The following SPEN variants were observed in gnomAD, a reference collection of about 807,000 sequenced individuals.
SPEN encodes spen family transcriptional repressor.
Under a neutral mutation model 269.9 loss-of-function variants are expected in SPEN, and 18 were observed. That is an observed-to-expected ratio of 0.07 (90% CI 0.05 to 0.10). The LOEUF is 0.10. Ranked by LOEUF, SPEN falls within the 10% of genes least tolerant of loss-of-function variation. SPEN has a pLI of 1.00. For missense variants in SPEN, 3,822 were observed against 4,631.2 expected (o/e 0.83, Z 5.07); for synonymous variants, 1,726 against 1,765.7 (o/e 0.98, Z 0.56).
intron 1 of SPEN, among the ~76,000 whole-genome samples, chr1:15,860,887 A>T (rs2070441790): frequency 6.6e-6 from 1 of 151,588 alleles, no homozygotes; most frequent in African/African-American, 2.4e-5. Context: ...GGAGTGAGCC[A>T]CTGTGCCCGG....
At chr1:15,922,493 A>G in intron 10 of SPEN, 144 bp downstream of exon 10, 1 of 591,320 alleles carries the variant, frequency 1.7e-6, no homozygotes, top group Non-Finnish European at 2.8e-6. Context: ...ATCACTTCAT[A>G]TGGAAACACA....
chr1:15,920,842 A>T lies in SPEN; in HGVS notation c.1636-28A>T, dbSNP rs751175639. 6.4e-6 allele frequency: 9 copies of T among 1,416,506 alleles called. No individual in the cohort carries two copies. The South Asian group carries it at 1.1e-4, about 17-fold the overall frequency. 87.7% of individuals were successfully genotyped at this position (1,416,506 alleles called of 1,614,324 possible). On this transcript the variant is annotated intron_variant, in intron 8 of 14. Coordinates refer to ENST00000375759, the MANE Select transcript of SPEN (RefSeq NM_015001.3). ...ACTAAGTCCAGTGGATGAGGCTCTT[A>T]CTTGTTTTTTGTTTGTTTGTTTTAC...
chr1:15,849,173 G>T (rs972934266), intron 1 of SPEN, among the ~76,000 whole-genome samples: 2 of 152,184 alleles, frequency 1.3e-5, no homozygotes, highest in African/African-American at 4.8e-5. Flanking sequence ...GATTCAGAGG[G>T]ACCATAGCAA....
At chr1:15,912,181 T>C (rs999292565) in intron 5 of SPEN, among the ~76,000 whole-genome samples, 2 of 152,220 alleles carry the variant, frequency 1.3e-5, no homozygotes, top group African/African-American at 2.4e-5. Context: ...GAACCTGTTA[T>C]AAGGCAGGAA....
rs970852367 is a variant in SPEN at position 15,935,531 on chromosome 1, G to A, written c.9291G>A (p.Glu3097=). ...TVSLSHLSQG[E]VRMNTPTLPS... ...CCCTGAGCCACCTCTCCCAGGGCGA[G>A]GTGAGAATGAACACTCCCACGCTGC... Residue 3097 remains glutamate, a synonymous_variant, in exon 11 of 15, where the codon GAG becomes GAA. Coordinates refer to ENST00000375759, the MANE Select transcript of SPEN (RefSeq NM_015001.3). This position sits in a 1 kb window ranked among gnomAD's most constrained non-coding sequence, Gnocchi z 7.7. 6.2e-7 allele frequency: 1 copy of A among 1,614,032 alleles called. No individual in the cohort carries two copies.
intron 3 of SPEN, among the ~76,000 whole-genome samples, chr1:15,889,065 T>C (rs776290687): frequency 6.6e-6 from 1 of 152,186 alleles, no homozygotes; most frequent in Non-Finnish European, 1.5e-5. Context: ...AAATTTACCT[T>C]GCCCCAAACA....
intron 3 of SPEN, among the ~76,000 whole-genome samples, chr1:15,894,721 G>C (rs1020226125): frequency 6.6e-6 from 1 of 151,678 alleles, no homozygotes. Flanking sequence ...TGTATTTTTA[G>C]TAGAGACGGG....
At position 15,923,236 on chromosome 1, in the gene SPEN, C is replaced by A. The variant is rs367890768; in HGVS notation, c.1850+887C>A. 7.9e-5 allele frequency among the ~76,000 whole-genome samples: 12 copies of A among 152,202 alleles called. No homozygotes were observed. The East Asian group carries it at 1.5e-3, about 19-fold the overall frequency. The stretch of plus-strand genomic sequence containing the variant: ...CCTGATTTCCTCTTGTTAATACTTT[C>A]AGTCATGGTTATGTAGTATTTAATA... On this transcript the variant is annotated intron_variant, in intron 10 of 14. Transcript: ENST00000375759.
In SPEN at chr1:15,923,479, CTTGAGTTCAA is replaced by C. The variant is rs138436577; in HGVS notation, c.1850+1131_1850+1140del. On this transcript the variant is annotated intron_variant, in intron 10 of 14. Transcript: ENST00000375759. ...TTTGTGTGAAAAACGCCTTTAGACACTTGAGTTCAAAGTATGAAAAGGGCTCCATGGCAAG... is the reference window on the plus strand; with the variant it reads ...TTTGTGTGAAAAACGCCTTTAGACACAGTATGAAAAGGGCTCCATGGCAAG... Among the ~76,000 whole-genome samples, 1,104 of 152,292 alleles carry C rather than the reference CTTGAGTTCAA, an allele frequency of 7.2e-3. 14 individuals are homozygous for C. The highest frequency in any genetic ancestry group is 0.025 in the African/African-American group (1,022 of 41,556).
chr1:15,904,452 C>CA (rs1215369183), intron 3 of SPEN, among the ~76,000 whole-genome samples: 1,485 of 48,282 alleles, frequency 0.031, 106 homozygotes, highest in South Asian at 0.06. Flanking sequence ...AACTCCATCT[C>CA]AAAAAAAAAA....
In SPEN at chr1:15,940,134, TAAA is replaced by T. The variant is rs1001456453; in HGVS notation, c.*711_*713del. 2 of 220,358 alleles carry T rather than the reference TAAA, an allele frequency of 9.1e-6. No individual in the cohort carries two copies. Among genetic ancestry groups the T allele is most frequent in the Admixed American group, 5.8e-5 (1 of 17,162 alleles). The allele number at this position is 220,358 out of a possible 1,614,324, so 13.7% of individuals were successfully genotyped here. ...TATATAAATATATATAATACTGACT[TAAA>T]AAATCAAATCCCCCGACATACGTTT... On this transcript the variant is annotated 3_prime_UTR_variant, in exon 15 of 15. Transcript: ENST00000375759.
chr1:15,891,825 G>A (rs2070791833), intron 3 of SPEN, among the ~76,000 whole-genome samples: 1 of 151,368 alleles, frequency 6.6e-6, no homozygotes, highest in Non-Finnish European at 1.5e-5. Flanking sequence ...TAATGTCATG[G>A]TGTCATGTTA....
In SPEN at chr1:15,930,061, A is replaced by C; in HGVS notation, c.3821A>C (p.Asp1274Ala). 6.2e-7 allele frequency: 1 copy of C among 1,614,220 alleles called. No individual in the cohort carries two copies. Among genetic ancestry groups the C allele is most frequent in the Non-Finnish European group, 8.5e-7 (1 of 1,180,044 alleles). Reference sequence around the variant, plus strand: ...CATGGTTCCTTCCATGAAGATGAGGATCCCATAGGCTCCCCTAGGCTACTG... The same window carrying C: ...CATGGTTCCTTCCATGAAGATGAGGCTCCCATAGGCTCCCCTAGGCTACTG... ...VRHGSFHEDEDPIGSPRLLSV... is the reference protein window; with the variant it reads ...VRHGSFHEDEAPIGSPRLLSV... Residue 1274 changes from aspartate to alanine, a missense_variant, in exon 11 of 15, where the codon GAT (aspartate) becomes GCT (alanine). Physicochemically the swap from Asp to Ala is moderately radical, Grantham distance 126 (BLOSUM62 -2). Transcript: ENST00000375759. This position sits in a 1 kb window ranked among gnomAD's most constrained non-coding sequence, Gnocchi z 5.3.
At chr1:15,918,578 A>G (rs185760564) in intron 6 of SPEN, among the ~76,000 whole-genome samples, 11 of 152,210 alleles carry the variant, frequency 7.2e-5, no homozygotes, top group Non-Finnish European at 1.3e-4. Flanking sequence ...GCAGAAGGGA[A>G]TTATTTCTTA....
intron 3 of SPEN, among the ~76,000 whole-genome samples, chr1:15,905,108 A>T (rs1402040825): frequency 1.3e-5 from 2 of 151,864 alleles, no homozygotes; most frequent in East Asian, 3.9e-4. Context: ...GGCTGGTCTC[A>T]GACTCCTGAC....
At chr1:15,887,734 C>G (rs2070749997) in intron 3 of SPEN, among the ~76,000 whole-genome samples, 1 of 146,390 alleles carries the variant, frequency 6.8e-6, no homozygotes, top group Non-Finnish European at 1.5e-5. Context: ...AAAAAAAAAA[C>G]AAGTCCTTCA....
chr1:15,926,947 C>T (rs2148737076), intron 10 of SPEN, among the ~76,000 whole-genome samples: 1 of 152,244 alleles, frequency 6.6e-6, no homozygotes, highest in African/African-American at 2.4e-5. Context: ...CTGCCTTGGC[C>T]TCCCAAAGTG....
At chr1:15,896,322 C>T (rs777733076) in intron 3 of SPEN, among the ~76,000 whole-genome samples, 4 of 150,380 alleles carry the variant, frequency 2.7e-5, no homozygotes, top group East Asian at 2.0e-4. Flanking sequence ...CAGCCTCCCA[C>T]GTAGCTGGGA....
intron 3 of SPEN, among the ~76,000 whole-genome samples, chr1:15,891,473 T>C (rs2070788078): frequency 6.6e-6 from 1 of 151,478 alleles, no homozygotes. Context: ...TGCCTCAGCC[T>C]CCCGAGTAGC....
Sources: gnomAD v4.1 joint callset for allele counts (sites outside exome capture counted in the v4.1 genomes callset) on GRCh38, gnomAD v4.1.1 for gene constraint, Gnocchi (gnomAD v3.1) non-coding constraint, MANE v1.5 for transcripts, NCBI Gene and HGNC (gene_info 2026-07-23, HGNC 2026-07-21) for gene names.